DYSF: variants seen among roughly 807,000 people sequenced by gnomAD.
DYSF encodes the protein dysferlin, also known as dystrophy-associated fer-1-like 1.
Under a neutral mutation model 274.9 loss-of-function variants are expected in DYSF, and 212 were observed. That is an observed-to-expected ratio of 0.77 (90% CI 0.69 to 0.86). DYSF has a LOEUF of 0.86. DYSF is among the 40% of genes least tolerant of loss of function. DYSF has a pLI of 0.00. For missense variants in DYSF, 2,666 were observed against 2,783.2 expected (o/e 0.96, Z 0.95); for synonymous variants, 1,091 against 1,078.7 (o/e 1.01, Z -0.22).
chr2:71,513,908 C>A lies in DYSF; in HGVS notation c.746C>A (p.Pro249Gln). The A allele has an allele frequency of 1.2e-6, 2 of 1,614,130 alleles. No homozygotes were observed. Among genetic ancestry groups the A allele is most frequent in the Non-Finnish European group, 1.7e-6 (2 of 1,180,010 alleles). Residue 249 changes from proline (P) to glutamine (Q), a missense_variant, in exon 7 of 56, where the codon CCG (proline) becomes CAG (glutamine). Transcript: ENST00000410020. ...PTSRKLLSDK[P>Q]QDFQIRVQVI... ...TCTAGAAAGCTGCTGTCAGACAAAC[C>A]GCAGGATTTCCAGGTGATGAACGGG...
intron 40 of DYSF, among the ~76,000 whole-genome samples, chr2:71,618,211 TGTGTGTGTGGTAGAGGTGGG>T (rs2093963354): frequency 1.6e-5 from 2 of 125,002 alleles, no homozygotes; most frequent in African/African-American, 3.1e-5. Flanking sequence ...AGATGGGATG[TGTGTGTGTGGTAGAGGTGGG>T]GTGTGTGTGT....
chr2:71,680,426 T>C (rs2152969210), intron 53 of DYSF, among the ~76,000 whole-genome samples: 1 of 152,326 alleles, frequency 6.6e-6, no homozygotes, highest in Non-Finnish European at 1.5e-5. Flanking sequence ...GATTTAACAA[T>C]ATTTATGCCC....
upstream of DYSF, among the ~76,000 whole-genome samples, chr2:71,463,666 A>T (rs2081379455): frequency 6.6e-6 from 1 of 152,246 alleles, no homozygotes; most frequent in Non-Finnish European, 1.5e-5. Context: ...GATGTCTGCT[A>T]TGTCCTCAAC....
Position 71,489,553 on chromosome 2 carries a change from T to C in DYSF, c.239+7583T>C, listed in dbSNP as rs116356502. Among the ~76,000 whole-genome samples, 1,475 of 152,334 alleles carry C rather than the reference T, an allele frequency of 9.7e-3. 29 individuals carry two copies. Among genetic ancestry groups the C allele is most frequent in the African/African-American group, 0.034 (1,412 of 41,562 alleles). ...GGCAAGGGTGGCCTGATGCCTCCTA[T>C]GTCAATGAGTTTCATTTGTTGAGGG... On this transcript the variant is annotated intron_variant, in intron 3 of 55. Coordinates refer to ENST00000410020, the MANE Select transcript of DYSF (RefSeq NM_001130987.2).
chr2:71,520,911 A>G lies in DYSF; in HGVS notation c.1149+7A>G, dbSNP rs771741504. 1 of 1,613,824 alleles carries G rather than the reference A, an allele frequency of 6.2e-7. No individual in the cohort carries two copies. The highest frequency in any genetic ancestry group is 1.1e-5 in the South Asian group (1 of 91,068). On this transcript the variant is annotated splice_region_variant and intron_variant, in intron 12 of 55. Transcript: ENST00000410020. The stretch of plus-strand genomic sequence containing the variant: ...GCCTGGGGACGAAGCGCCTGTGAGT[A>G]CATTTCCCTGGGTCTTCCTTACGGT...
chr2:71,551,751 G>A lies in DYSF; in HGVS notation c.1806+31G>A, dbSNP rs200937390. The A allele has an allele frequency of 1.1e-4, 169 of 1,563,388 alleles. No homozygotes were observed. In the African/African-American group the frequency reaches 2.1e-3, roughly 20 times the overall value. ...GGGTGTGGCTCTGGGTGGGAGCTGG[G>A]CGTCGGGGCAGGGAAGGGATGGCCA... On this transcript the variant is annotated intron_variant, in intron 19 of 55. Transcript: ENST00000410020.
At chr2:71,670,857 C>T (rs549779899) in intron 51 of DYSF, among the ~76,000 whole-genome samples, 1 of 152,234 alleles carries the variant, frequency 6.6e-6, no homozygotes, top group East Asian at 1.9e-4. Context: ...TTCTGGCCAT[C>T]CTTGTCCCAC....
chr2:71,566,513 T>C (rs1337251691), intron 24 of DYSF, among the ~76,000 whole-genome samples: 1 of 151,998 alleles, frequency 6.6e-6, no homozygotes, highest in Non-Finnish European at 1.5e-5. Flanking sequence ...TAAACCAAAG[T>C]TGGAAAAAAT....
chr2:71,485,038 A>G (rs1356201619), intron 3 of DYSF, among the ~76,000 whole-genome samples: 2 of 152,232 alleles, frequency 1.3e-5, no homozygotes, highest in Non-Finnish European at 2.9e-5. Flanking sequence ...AGATCAGTTT[A>G]TGGGACAGCC....
rs886044258 is a variant in DYSF, at chr2:71,539,240, G to A, written c.1576+1G>A. On this transcript the variant is annotated splice_donor_variant, in intron 17 of 55. Transcript: ENST00000410020. LOFTEE classifies it high-confidence loss of function. ...TCTGCCCCTGGAGGAGAAATAGAAG[G>A]TATGTTCCCTCTTCGTTCTGCCCTT... 2 of 1,613,562 alleles carry A rather than the reference G, an allele frequency of 1.2e-6. No individual in the cohort carries two copies. The highest frequency in any genetic ancestry group is 1.7e-6 in the Non-Finnish European group (2 of 1,179,542).
chr2:71,475,490 G>A (rs1031326446), intron 1 of DYSF, among the ~76,000 whole-genome samples: 17 of 152,142 alleles, frequency 1.1e-4, no homozygotes, highest in African/African-American at 4.1e-4. Context: ...GCATGGTTAG[G>A]GAGCACCAAA....
chr2:71,662,292 C>T (rs1015654289), intron 45 of DYSF, among the ~76,000 whole-genome samples: 3 of 152,222 alleles, frequency 2.0e-5, no homozygotes, highest in African/African-American at 7.2e-5. Context: ...TTTCTGCTCA[C>T]ATTGAGCTCA....
At chr2:71,595,790 C>A (rs1005194105) in intron 32 of DYSF, among the ~76,000 whole-genome samples, 1 of 152,188 alleles carries the variant, frequency 6.6e-6, no homozygotes, top group African/African-American at 2.4e-5. Flanking sequence ...GCACGATGTG[C>A]GCTGCATATG....
At chr2:71,657,044 C>T (rs1236990089) in intron 43 of DYSF, among the ~76,000 whole-genome samples, 2 of 152,176 alleles carry the variant, frequency 1.3e-5, no homozygotes, top group African/African-American at 4.8e-5. Flanking sequence ...TCATCTGAGA[C>T]AAGGCATAGT....
At chr2:71,481,175 C>G (rs2082856782) in intron 2 of DYSF, among the ~76,000 whole-genome samples, 1 of 152,214 alleles carries the variant, frequency 6.6e-6, no homozygotes. Context: ...CTGTTTCCCC[C>G]CAGCTCTGGC....
chr2:71,673,764 T>A (rs533366223), intron 51 of DYSF, among the ~76,000 whole-genome samples: 1 of 152,192 alleles, frequency 6.6e-6, no homozygotes, highest in Non-Finnish European at 1.5e-5. Context: ...TCTCCTCCAC[T>A]GTAAAGATAG....
At chr2:71,608,534 CTG>C (rs1405751682) in intron 36 of DYSF, among the ~76,000 whole-genome samples, 1 of 152,154 alleles carries the variant, frequency 6.6e-6, no homozygotes, top group Non-Finnish European at 1.5e-5. Context: ...CTGTCTCTGC[CTG>C]TCTCTTCCTT....
intron 7 of DYSF, 39 bp from the exon 8 acceptor site, chr2:71,515,584 T>C (rs996457624): frequency 5.6e-6 from 9 of 1,613,804 alleles, no homozygotes; most frequent in South Asian, 1.1e-5. Context: ...CCTTAACTCT[T>C]CCCCCTTCCT....
chr2:71,645,443 C>T lies in DYSF; in HGVS notation c.4626+1380C>T, dbSNP rs192162113. 6.3e-3 allele frequency among the ~76,000 whole-genome samples: 959 copies of T among 152,044 alleles called. 4 individuals carry two copies. Among genetic ancestry groups the T allele is most frequent in the Middle Eastern group, 0.034 (10 of 294 alleles). ...GCTGAGGCCTGTTGGTGTGCTCCTA[C>T]GCCAGTGGGTCCTTCTCGACATCCC... On this transcript the variant is annotated intron_variant, in intron 42 of 55. Coordinates refer to ENST00000410020, the MANE Select transcript of DYSF (RefSeq NM_001130987.2).
Sources: gnomAD v4.1 joint callset for allele counts (sites outside exome capture counted in the v4.1 genomes callset) on GRCh38, gnomAD v4.1.1 for gene constraint, MANE v1.5 for transcripts, NCBI Gene and HGNC (gene_info 2026-07-23, HGNC 2026-07-21) for gene names.